The following PMF1 variants were observed in gnomAD, a reference collection of about 807,000 sequenced individuals.
PMF1 encodes the protein polyamine modulated factor 1.
In PMF1, 21 loss-of-function variants were observed where a neutral mutation model predicts 26.7. That is an observed-to-expected ratio of 0.79 (90% confidence interval 0.56 to 1.13). The LOEUF is 1.13. Ranked by LOEUF, PMF1 falls within the 50% of genes most tolerant of loss-of-function variation. PMF1 has a pLI of 0.00. For missense variants in PMF1, 266 were observed against 254.9 expected (o/e 1.04, Z -0.30); for synonymous variants, 105 against 101.0 (o/e 1.04, Z -0.24).
intron 1 of PMF1, among the ~76,000 whole-genome samples, chr1:156,226,658 C>T (rs1658387572): frequency 6.6e-6 from 1 of 152,208 alleles, no homozygotes; most frequent in Non-Finnish European, 1.5e-5. Context: ...TATATTTTAC[C>T]TCACTTAATC....
intron 1 of PMF1, among the ~76,000 whole-genome samples, chr1:156,214,684 G>A (rs966896336): frequency 6.6e-6 from 1 of 151,480 alleles, no homozygotes; most frequent in South Asian, 2.1e-4. Context: ...TTGAGGCTTC[G>A]GTGAGTTATA....
chr1:156,236,221 A>G, intron 3 of PMF1, 67 bp from the exon 4 acceptor site: 1 of 1,549,584 alleles, frequency 6.5e-7, no homozygotes, highest in Non-Finnish European at 8.8e-7. Flanking sequence ...GTGGGCTTGG[A>G]AGCTGAACCT....
chr1:156,224,816 T>C (rs1658267255), intron 1 of PMF1, among the ~76,000 whole-genome samples: 1 of 152,156 alleles, frequency 6.6e-6, no homozygotes, highest in Admixed American at 6.5e-5. Context: ...TCTTTCCCTC[T>C]TTCCTCCTCT....
At chr1:156,214,702 C>T (rs1019289642) in intron 1 of PMF1, among the ~76,000 whole-genome samples, 2 of 151,180 alleles carry the variant, frequency 1.3e-5, no homozygotes, top group Non-Finnish European at 2.9e-5. Flanking sequence ...ATAACAGCCC[C>T]ATTGCACTCC....
At chr1:156,215,219 A>G (rs533049619) in intron 1 of PMF1, among the ~76,000 whole-genome samples, 1 of 152,138 alleles carries the variant, frequency 6.6e-6, no homozygotes, top group East Asian at 1.9e-4. Flanking sequence ...GTATAGGAAA[A>G]GGGGACAGCC....
At chr1:156,219,138 C>T (rs1194985752) in intron 1 of PMF1, among the ~76,000 whole-genome samples, 1 of 151,820 alleles carries the variant, frequency 6.6e-6, no homozygotes, top group Non-Finnish European at 1.5e-5. Context: ...AGGCTGGTCT[C>T]AAACTCCTGA....
rs1657458034 is a variant in PMF1, at chr1:156,213,051, CTG to C, written c.39_40del (p.Cys13Ter). ...CAAGTAGCGCCAATCTAGGCAGCGG[CTG>C]TGAGGAAAAAAGGCATGAGGGGTCG... is the stretch of plus-strand genomic sequence containing the variant. ...EASSANLGSG[C>X]EEKRHEGSSS... On this transcript the variant is annotated frameshift_variant, in exon 1 of 5. Transcript: ENST00000368277. LOFTEE classifies it high-confidence loss of function. 6.2e-7 allele frequency: 1 copy of C among 1,614,224 alleles called. No individual in the cohort carries two copies. Among genetic ancestry groups the C allele is most frequent in the South Asian group, 1.1e-5 (1 of 91,090 alleles).
At chr1:156,217,193 C>T in intron 1 of PMF1, among the ~76,000 whole-genome samples, 1 of 145,564 alleles carries the variant, frequency 6.9e-6, no homozygotes, top group South Asian at 2.2e-4. Flanking sequence ...TGTAAGTAAC[C>T]TGCACAATGT....
chr1:156,217,053 A>C (rs1333351554), intron 1 of PMF1, among the ~76,000 whole-genome samples: 1 of 151,582 alleles, frequency 6.6e-6, no homozygotes. Context: ...TGGACACATG[A>C]AGGGGAATAT....
chr1:156,216,549 G>C (rs1657716781), intron 1 of PMF1, among the ~76,000 whole-genome samples: 1 of 152,070 alleles, frequency 6.6e-6, no homozygotes, highest in Non-Finnish European at 1.5e-5. Context: ...TCCTGCTTGA[G>C]CCGCCTGCTG....
At chr1:156,232,240 C>G in intron 1 of PMF1, 80 bp from the exon 2 acceptor site, 4 of 1,269,688 alleles carry the variant, frequency 3.2e-6, no homozygotes, top group East Asian at 4.7e-5. Flanking sequence ...TCCTGTAATG[C>G]GAAGCGGAGG....
chr1:156,237,287 A>G (rs2103134099), intron 4 of PMF1: 1 of 92,914 alleles, frequency 1.1e-5, no homozygotes, highest in East Asian at 3.0e-4. Context: ...ACTACTGTTG[A>G]ACAGAATTTA....
intron 1 of PMF1, among the ~76,000 whole-genome samples, chr1:156,219,514 A>G (rs1657966286): frequency 6.6e-6 from 1 of 152,124 alleles, no homozygotes; most frequent in Non-Finnish European, 1.5e-5. Context: ...TGTCTCTGCC[A>G]GTGCATGTGG....
chr1:156,215,814 G>A (rs923164747), intron 1 of PMF1, among the ~76,000 whole-genome samples: 9 of 152,000 alleles, frequency 5.9e-5, no homozygotes, highest in Non-Finnish European at 1.2e-4. Flanking sequence ...TCAGCCTCCC[G>A]AGTGGCTGGG....
At chr1:156,221,631 C>T (rs1658087975) in intron 1 of PMF1, among the ~76,000 whole-genome samples, 1 of 152,168 alleles carries the variant, frequency 6.6e-6, no homozygotes, top group Admixed American at 6.5e-5. Context: ...AATGGGGATT[C>T]CCAAGCAATA....
intron 1 of PMF1, among the ~76,000 whole-genome samples, chr1:156,224,763 CAA>C (rs997144015): frequency 1.4e-5 from 2 of 139,360 alleles, no homozygotes. Context: ...GACTCCGTCT[CAA>C]AAAAAAAAAG....
intron 4 of PMF1, among the ~76,000 whole-genome samples, chr1:156,238,392 C>T (rs1300365535): frequency 2.6e-5 from 4 of 152,238 alleles, no homozygotes; most frequent in African/African-American, 9.6e-5. Context: ...CCCGACATCA[C>T]TTGGGGCCAC....
chr1:156,218,011 G>A (rs963492193), intron 1 of PMF1, among the ~76,000 whole-genome samples: 1 of 152,198 alleles, frequency 6.6e-6, no homozygotes, highest in Non-Finnish European at 1.5e-5. Flanking sequence ...AGCTGTTCTT[G>A]TCTGCCACCT....
At position 156,232,315 on chromosome 1, in the gene PMF1, G is replaced by A. The variant is rs753496936; in HGVS notation, c.162-5G>A. The A allele has an allele frequency of 2.7e-5, 43 of 1,613,402 alleles. No homozygotes were observed. The highest frequency in any genetic ancestry group is 3.3e-5 in the South Asian group (3 of 91,048). ...CCCCACCTTTGCTTCTCTCCTTCCCGCCAGCTACCAGAGATTCACTGACTG... is the reference window on the plus strand; with the variant it reads ...CCCCACCTTTGCTTCTCTCCTTCCCACCAGCTACCAGAGATTCACTGACTG... On this transcript the variant is annotated splice_region_variant and splice_polypyrimidine_tract_variant and intron_variant, in intron 1 of 4. Coordinates refer to ENST00000368277, the MANE Select transcript of PMF1 (RefSeq NM_007221.4).
Sources: allele counts gnomAD v4.1 joint callset (sites outside exome capture counted in the v4.1 genomes callset), GRCh38; gene constraint gnomAD v4.1.1; transcripts MANE v1.5; gene names NCBI Gene and HGNC (gene_info 2026-07-23, HGNC 2026-07-21).